Variants in DAB1 observed in about 807,000 individuals in gnomAD.
DAB1 encodes the protein disabled homolog 1.
Under a neutral mutation model 64.6 loss-of-function variants are expected in DAB1, and 15 were observed. The ratio of observed to expected loss-of-function variants is 0.23; its 90% CI spans 0.16 to 0.36. DAB1 has a LOEUF of 0.36. Among genes scored for constraint, DAB1 ranks in the 10% least tolerant of loss-of-function variants. DAB1 has a pLI of 1.00. For synonymous variants in DAB1, 235 were observed against 251.9 expected, an observed-to-expected ratio of 0.93 and a Z score of 0.64; for missense variants, 596 against 706.7, an observed-to-expected ratio of 0.84 and a Z score of 1.78.
At chr1:57,317,064 C>A (rs964122757) in intron 1 of DAB1, among the ~76,000 whole-genome samples, 2 of 152,218 alleles carry the variant, frequency 1.3e-5, no homozygotes, top group Admixed American at 6.5e-5. Context: ...CTTGCCCTCT[C>A]ATTAGCTTGC....
chr1:58,525,704 A>G (rs560429974), intron 2 of DAB1, among the ~76,000 whole-genome samples: 7 of 152,184 alleles, frequency 4.6e-5, no homozygotes, highest in Non-Finnish European at 1.5e-5. Context: ...CTATGTATGT[A>G]TAATTTAATA....
At chr1:57,056,480 T>C (rs1487679799) in intron 9 of DAB1, among the ~76,000 whole-genome samples, 1 of 137,998 alleles carries the variant, frequency 7.2e-6, no homozygotes, top group Non-Finnish European at 1.5e-5. Flanking sequence ...ACTTCAGCCT[T>C]GGTGACAGAG....
At chr1:58,487,845 C>T (rs1415050453) in intron 3 of DAB1, among the ~76,000 whole-genome samples, 1 of 151,756 alleles carries the variant, frequency 6.6e-6, no homozygotes, top group African/African-American at 2.4e-5. Flanking sequence ...TATTAATTAA[C>T]ATTATCTAAC....
chr1:58,244,077 T>TC (rs1395648440), intron 4 of DAB1, among the ~76,000 whole-genome samples: 1 of 152,154 alleles, frequency 6.6e-6, no homozygotes, highest in Non-Finnish European at 1.5e-5. Context: ...AATGTCCCAA[T>TC]CCCAGTCCTT....
chr1:57,750,671 T>C (rs1648508283), intron 6 of DAB1, among the ~76,000 whole-genome samples: 1 of 152,200 alleles, frequency 6.6e-6, no homozygotes, highest in South Asian at 2.1e-4. Context: ...TTCTCTTTCT[T>C]GACCTGGGAA....
At chr1:57,173,834 A>C (rs1011468251) in intron 2 of DAB1, among the ~76,000 whole-genome samples, 2 of 152,180 alleles carry the variant, frequency 1.3e-5, no homozygotes, top group African/African-American at 4.8e-5. Flanking sequence ...AGAAGGAAAA[A>C]TTACAATAAT....
At chr1:58,442,880 G>A (rs1645027851) in intron 3 of DAB1, among the ~76,000 whole-genome samples, 1 of 152,120 alleles carries the variant, frequency 6.6e-6, no homozygotes, top group Admixed American at 6.5e-5. Flanking sequence ...GTGAGACTCT[G>A]TCTCAGAAAT....
chr1:57,505,540 G>A (rs1644333983), intron 7 of DAB1, among the ~76,000 whole-genome samples: 1 of 152,150 alleles, frequency 6.6e-6, no homozygotes, highest in African/African-American at 2.4e-5. Flanking sequence ...GATGGGATGG[G>A]GATGTAAGTG....
intron 4 of DAB1, among the ~76,000 whole-genome samples, chr1:58,184,158 G>T (rs919147831): frequency 6.6e-6 from 1 of 151,882 alleles, no homozygotes; most frequent in African/African-American, 2.4e-5. Flanking sequence ...CTGGGATTTA[G>T]ATGGAAAGTC....
At chr1:57,924,222 C>T (rs1458837762) in intron 5 of DAB1, among the ~76,000 whole-genome samples, 3 of 152,204 alleles carry the variant, frequency 2.0e-5, no homozygotes, top group Admixed American at 2.0e-4. Flanking sequence ...ATGAGCCATG[C>T]ACCTCAAGGA....
At chr1:58,432,585 T>C (rs1372145414) in intron 3 of DAB1, among the ~76,000 whole-genome samples, 1 of 152,198 alleles carries the variant, frequency 6.6e-6, no homozygotes, top group Non-Finnish European at 1.5e-5. Flanking sequence ...TATCTGGTCA[T>C]AGAACTTATT....
At chr1:57,113,125 C>T (rs143307992) in intron 4 of DAB1, among the ~76,000 whole-genome samples, 14 of 152,256 alleles carry the variant, frequency 9.2e-5, no homozygotes, top group African/African-American at 3.1e-4. Flanking sequence ...CTGAGAATGG[C>T]CTGTTTCATA....
At position 58,228,142 on chromosome 1, in the gene DAB1, C is replaced by A. The variant is rs545512657; in HGVS notation, n.310-77554G>T. Among the ~76,000 whole-genome samples the A allele has an allele frequency of 1.9e-4, 29 of 152,266 alleles. No individual in the cohort carries two copies. In the Middle Eastern group the frequency reaches 0.014, roughly 71 times the overall value. On this transcript the variant is annotated intron_variant and non_coding_transcript_variant, in intron 4 of 20. Coordinates refer to the DAB1 transcript ENST00000485760. ...CATGGAGTAAGAGATGGAGCAGTAG[C>A]CCTGTGCAGTATAGTCGGTTCAAGG...
At chr1:58,344,937 T>C (rs1643979924) in intron 3 of DAB1, among the ~76,000 whole-genome samples, 1 of 152,192 alleles carries the variant, frequency 6.6e-6, no homozygotes, top group Non-Finnish European at 1.5e-5. Context: ...TCTTTCAGCC[T>C]CTCTGTTATA....
chr1:57,225,345 T>C (rs1667183045), intron 2 of DAB1, among the ~76,000 whole-genome samples: 1 of 152,216 alleles, frequency 6.6e-6, no homozygotes, highest in African/African-American at 2.4e-5. Context: ...TTAACCTGTG[T>C]AATGTCAGAT....
At chr1:58,033,014 G>A (rs921226823) in intron 5 of DAB1, among the ~76,000 whole-genome samples, 8 of 152,114 alleles carry the variant, frequency 5.3e-5, no homozygotes, top group African/African-American at 1.9e-4. Context: ...CCCTTTCTCT[G>A]GAATGGGCGT....
At chr1:57,447,401 T>C (rs1416904073) in intron 7 of DAB1, among the ~76,000 whole-genome samples, 1 of 152,216 alleles carries the variant, frequency 6.6e-6, no homozygotes, top group Non-Finnish European at 1.5e-5. Flanking sequence ...AGAGAGATCC[T>C]TGTGCAGACT....
intron 4 of DAB1, among the ~76,000 whole-genome samples, chr1:57,134,391 GC>G (rs1312702893): frequency 6.6e-6 from 1 of 151,842 alleles, no homozygotes; most frequent in Non-Finnish European, 1.5e-5. Flanking sequence ...TTCGAGACCA[GC>G]CTGGCCAACA....
At chr1:58,410,114 A>AT (rs957548332) in intron 3 of DAB1, among the ~76,000 whole-genome samples, 4 of 151,972 alleles carry the variant, frequency 2.6e-5, no homozygotes, top group Admixed American at 2.6e-4. Context: ...GAGTAATTGG[A>AT]TTTTTTTCCT....
Sources: gnomAD v4.1 joint callset for allele counts (sites outside exome capture counted in the v4.1 genomes callset) on GRCh38, gnomAD v4.1.1 for gene constraint, MANE v1.5 for transcripts, NCBI Gene and HGNC (gene_info 2026-07-23, HGNC 2026-07-21) for gene names.